Variants in RPS6KC1 observed in about 807,000 individuals in gnomAD.
RPS6KC1 encodes the protein inactive ribosomal protein S6 kinase delta-1.
A neutral mutation model predicts 103.8 loss-of-function variants in RPS6KC1; 54 were observed. That is an observed-to-expected ratio of 0.52 (90% CI 0.42 to 0.65). RPS6KC1 has a LOEUF of 0.65. Ranked by LOEUF, RPS6KC1 falls within the 30% of genes least tolerant of loss-of-function variation. The probability of loss-of-function intolerance (pLI) is 0.00; values close to 1 mark genes in which losing one functional copy is unlikely to be tolerated. For synonymous variants in RPS6KC1, 439 were observed against 438.7 expected (o/e 1.00, Z -0.01); for missense variants, 1,151 against 1,253.8 (o/e 0.92, Z 1.24).
chr1:213,498,992 C>A, the RPS6KC1 span, among the ~76,000 whole-genome samples: 1 of 150,686 alleles, frequency 6.6e-6, no homozygotes. Context: ...GTTGTCCAGG[C>A]CGGTCTCGAA....
intron 3 of RPS6KC1, among the ~76,000 whole-genome samples, chr1:213,097,806 G>A (rs1015778946): frequency 2.0e-5 from 3 of 152,170 alleles, no homozygotes; most frequent in African/African-American, 7.2e-5. Flanking sequence ...GCACTTTTAT[G>A]TTACGGTGAT....
At chr1:213,567,537 A>G in the RPS6KC1 span, among the ~76,000 whole-genome samples, 4 of 152,094 alleles carry the variant, frequency 2.6e-5, no homozygotes, top group Non-Finnish European at 5.9e-5. Context: ...TCACTTTCCA[A>G]TTATTGCTTT....
chr1:213,814,186 C>G, the RPS6KC1 span, among the ~76,000 whole-genome samples: 5 of 152,236 alleles, frequency 3.3e-5, no homozygotes, highest in Non-Finnish European at 7.3e-5. Flanking sequence ...TACCTGAGTC[C>G]TTTGCAGCAC....
chr1:213,378,676 A>T, the RPS6KC1 span, among the ~76,000 whole-genome samples: 1 of 152,214 alleles, frequency 6.6e-6, no homozygotes, highest in Non-Finnish European at 1.5e-5. Context: ...ATCCATATTT[A>T]TTCATTCGTG....
At chr1:213,312,286 G>C in the RPS6KC1 span, among the ~76,000 whole-genome samples, 2 of 152,152 alleles carry the variant, frequency 1.3e-5, no homozygotes, top group Admixed American at 6.6e-5. Context: ...AGGCTGAGTA[G>C]CTCTCTTCTC....
At chr1:213,333,804 C>G in the RPS6KC1 span, among the ~76,000 whole-genome samples, 8 of 152,104 alleles carry the variant, frequency 5.3e-5, no homozygotes, top group Non-Finnish European at 1.0e-4. Context: ...GATTCAGCCT[C>G]CTGAGTAGCT....
At chr1:213,253,257 A>T (rs933980420) in intron 12 of RPS6KC1, among the ~76,000 whole-genome samples, 10 of 152,282 alleles carry the variant, frequency 6.6e-5, no homozygotes, top group Non-Finnish European at 1.0e-4. Flanking sequence ...AGTAAAGGTA[A>T]AGTGAAGAAT....
chr1:213,388,649 T>A, the RPS6KC1 span, among the ~76,000 whole-genome samples: 1 of 152,166 alleles, frequency 6.6e-6, no homozygotes, highest in Non-Finnish European at 1.5e-5. Context: ...TTTGGCCATC[T>A]CCTCATCACC....
the RPS6KC1 span, among the ~76,000 whole-genome samples, chr1:213,480,162 G>A: frequency 5.9e-5 from 9 of 152,026 alleles, no homozygotes; most frequent in African/African-American, 1.9e-4. Context: ...CATTTTGATT[G>A]GAATTACATT....
chr1:213,748,239 G>A, the RPS6KC1 span, among the ~76,000 whole-genome samples: 1 of 152,260 alleles, frequency 6.6e-6, no homozygotes, highest in South Asian at 2.1e-4. Context: ...ACCTTTACCT[G>A]AGAGGGGACT....
intron 8 of RPS6KC1, 118 bp from the exon 9 acceptor site, chr1:213,230,379 A>T: frequency 1.7e-6 from 1 of 595,014 alleles, no homozygotes; most frequent in Non-Finnish European, 2.8e-6. Context: ...TCAGAAATGA[A>T]CAATTTTGGG....
the RPS6KC1 span, among the ~76,000 whole-genome samples, chr1:213,810,420 G>A: frequency 1.3e-5 from 2 of 152,142 alleles, no homozygotes; most frequent in Non-Finnish European, 2.9e-5. Context: ...TGCATACCTG[G>A]CCTGGCAATG....
chr1:213,828,281 G>A, the RPS6KC1 span, among the ~76,000 whole-genome samples: 2 of 152,220 alleles, frequency 1.3e-5, no homozygotes, highest in East Asian at 1.9e-4. Flanking sequence ...ACCCAAAGAT[G>A]TCCCTTCTCC....
At chr1:213,741,021 CAT>C in the RPS6KC1 span, among the ~76,000 whole-genome samples, 23 of 103,850 alleles carry the variant, frequency 2.2e-4, no homozygotes, top group African/African-American at 6.8e-4. Context: ...TATACACACA[CAT>C]ATGTGTGTAT....
At chr1:213,322,237 C>T in the RPS6KC1 span, among the ~76,000 whole-genome samples, 1 of 152,008 alleles carries the variant, frequency 6.6e-6, no homozygotes, top group South Asian at 2.1e-4. Flanking sequence ...ACCTGGGAGG[C>T]GGAGGTTGCA....
chr1:213,732,975 C>A, the RPS6KC1 span, among the ~76,000 whole-genome samples: 1 of 152,070 alleles, frequency 6.6e-6, no homozygotes, highest in Non-Finnish European at 1.5e-5. Context: ...TGACAGGATT[C>A]CCTTCTTTTT....
intron 6 of RPS6KC1, among the ~76,000 whole-genome samples, chr1:213,151,147 G>A (rs2088764911): frequency 6.8e-6 from 1 of 147,174 alleles, no homozygotes; most frequent in Admixed American, 6.7e-5. Flanking sequence ...CCTCCCGGAT[G>A]GGGCGGCTGG....
chr1:213,654,085 C>CT, the RPS6KC1 span, among the ~76,000 whole-genome samples: 1 of 152,230 alleles, frequency 6.6e-6, no homozygotes, highest in African/African-American at 2.4e-5. Flanking sequence ...TGGCAGATTA[C>CT]TTATCTCTCA....
chr1:213,234,224 T>C (rs1440631227), intron 10 of RPS6KC1, among the ~76,000 whole-genome samples: 4 of 152,140 alleles, frequency 2.6e-5, no homozygotes, highest in Admixed American at 1.3e-4. Context: ...TTGCCCAAAT[T>C]GGTCTTAAAC....
Sources: allele counts gnomAD v4.1 joint callset (sites outside exome capture counted in the v4.1 genomes callset), GRCh38; gene constraint gnomAD v4.1.1; transcripts MANE v1.5; gene names NCBI Gene and HGNC (gene_info 2026-07-23, HGNC 2026-07-21).